The following TFCP2L1 variants were observed in gnomAD, a reference collection of about 807,000 sequenced individuals.
The protein encoded by TFCP2L1 is transcription factor CP2 like 1, also known as transcription factor CP2-like protein 1.
Under a neutral mutation model 72.2 loss-of-function variants are expected in TFCP2L1, and 12 were observed. That is an observed-to-expected ratio of 0.17 (90% CI 0.11 to 0.27). TFCP2L1 has a LOEUF of 0.27. Among genes scored for constraint, TFCP2L1 ranks in the 10% least tolerant of loss-of-function variants. The pLI is 1.00. For missense variants in TFCP2L1, 488 were observed against 624.6 expected, an observed-to-expected ratio of 0.78 and a Z score of 2.33; for synonymous variants, 260 against 251.0, an observed-to-expected ratio of 1.04 and a Z score of -0.34.
At chr2:121,257,329 G>A (rs1248634463) in intron 2 of TFCP2L1, among the ~76,000 whole-genome samples, 2 of 151,948 alleles carry the variant, frequency 1.3e-5, no homozygotes, top group African/African-American at 2.4e-5. Context: ...CCTCCCGGGG[G>A]AGGGGTGGGG....
chr2:121,277,792 A>C (rs1261773143), intron 2 of TFCP2L1, among the ~76,000 whole-genome samples: 4 of 152,224 alleles, frequency 2.6e-5, no homozygotes, highest in Non-Finnish European at 5.9e-5. Context: ...ATATGTCTGT[A>C]ACATAATCAC....
chr2:121,253,442 T>G (rs944677773), intron 2 of TFCP2L1, among the ~76,000 whole-genome samples: 1 of 152,210 alleles, frequency 6.6e-6, no homozygotes, highest in African/African-American at 2.4e-5. Flanking sequence ...CAACACTCCC[T>G]TGATATCAAC....
intron 13 of TFCP2L1, among the ~76,000 whole-genome samples, chr2:121,227,144 T>G (rs2104658129): frequency 6.6e-6 from 1 of 152,244 alleles, no homozygotes; most frequent in East Asian, 1.9e-4. Flanking sequence ...TCATGGAAAG[T>G]TTTTAAATAG....
intron 2 of TFCP2L1, among the ~76,000 whole-genome samples, chr2:121,260,801 A>G (rs1367987822): frequency 6.6e-6 from 1 of 152,202 alleles, no homozygotes; most frequent in Non-Finnish European, 1.5e-5. Context: ...GCTGTGCCCC[A>G]GTGAGCAGAA....
chr2:121,221,497 T>G lies in TFCP2L1; in HGVS notation c.*2844A>C, dbSNP rs1299872276. The G allele has an allele frequency of 6.6e-6, 1 of 151,868 alleles. No homozygotes were observed. The highest frequency in any genetic ancestry group is 1.5e-5 in the Non-Finnish European group (1 of 68,006). 9.4% of individuals were successfully genotyped at this position (151,868 alleles called of 1,614,324 possible). ...CCTTTAGCAAGGATGCCAAGACAAT[T>G]CCGTGGAGAAAGGATATTTTTCTCA... On this transcript the variant is annotated 3_prime_UTR_variant, in exon 15 of 15. Transcript: ENST00000263707.
At chr2:121,281,010 C>CT in intron 2 of TFCP2L1, 110 bp downstream of exon 2, 1 of 1,446,260 alleles carries the variant, frequency 6.9e-7, no homozygotes, top group Non-Finnish European at 9.4e-7. Flanking sequence ...CGAGCCCGAC[C>CT]TCGCCCGACC....
intron 6 of TFCP2L1, 57 bp downstream of exon 6, chr2:121,246,761 T>C (rs1686495809): frequency 6.2e-7 from 1 of 1,605,188 alleles, no homozygotes; most frequent in Non-Finnish European, 8.5e-7. Flanking sequence ...TGTGGGCGAA[T>C]GTGACCACAG....
At chr2:121,244,823 G>T (rs1024322292) in intron 6 of TFCP2L1, among the ~76,000 whole-genome samples, 1 of 152,182 alleles carries the variant, frequency 6.6e-6, no homozygotes. Context: ...CTGTACATGA[G>T]GGGAGGTGGT....
Position 121,221,391 on chromosome 2 carries a change from C to T in TFCP2L1, c.*2950G>A, listed in dbSNP as rs1217319317. 8.6e-6 allele frequency: 1 copy of T among 116,452 alleles called. No homozygotes were observed. The allele number at this position is 116,452 out of a possible 1,614,324, so 7.2% of individuals were successfully genotyped here. A position where few individuals can be genotyped will look rare whatever the true frequency, so the allele number is the denominator to read the frequency against. The stretch of plus-strand genomic sequence containing the variant: ...AGCATAAAACTGGTGGAACCAAACA[C>T]AGACTAAGTAAAAAAAAAAAAAAGG... On this transcript the variant is annotated 3_prime_UTR_variant, in exon 15 of 15. Coordinates refer to ENST00000263707, the MANE Select transcript of TFCP2L1 (RefSeq NM_014553.3).
intron 2 of TFCP2L1, among the ~76,000 whole-genome samples, chr2:121,254,267 A>G (rs1686669498): frequency 6.6e-6 from 1 of 152,190 alleles, no homozygotes. Flanking sequence ...TCTTGCCCTC[A>G]AAGGGTTGAC....
At chr2:121,283,299 G>C (rs1413705261) in intron 1 of TFCP2L1, among the ~76,000 whole-genome samples, 1 of 152,148 alleles carries the variant, frequency 6.6e-6, no homozygotes, top group African/African-American at 2.4e-5. Context: ...TGCCAAGTGA[G>C]GAGACGACCA....
intron 2 of TFCP2L1, among the ~76,000 whole-genome samples, chr2:121,253,732 C>A (rs1024550340): frequency 6.6e-6 from 1 of 152,206 alleles, no homozygotes; most frequent in Non-Finnish European, 1.5e-5. Flanking sequence ...TTGAGTGAGG[C>A]GTTAGGCCCA....
chr2:121,250,887 G>A lies in TFCP2L1; in HGVS notation c.215-1240C>T, dbSNP rs548891393. Among the ~76,000 whole-genome samples, 13 of 151,754 alleles carry A rather than the reference G, an allele frequency of 8.6e-5. No homozygotes were observed. The South Asian group carries it at 2.7e-3, about 32-fold the overall frequency. ...CCCAAAGTGCTGGGATTACAGGCGTGAGCCACCATGCCTGGCCAGTATTGG... is the reference window on the plus strand; with the variant it reads ...CCCAAAGTGCTGGGATTACAGGCGTAAGCCACCATGCCTGGCCAGTATTGG... On this transcript the variant is annotated intron_variant, in intron 2 of 14. Transcript: ENST00000263707.
At chr2:121,260,264 G>C (rs1249166995) in intron 2 of TFCP2L1, among the ~76,000 whole-genome samples, 1 of 151,526 alleles carries the variant, frequency 6.6e-6, no homozygotes, top group African/African-American at 2.4e-5. Flanking sequence ...AGGGGAAAGG[G>C]AGCTGGGGTC....
chr2:121,266,175 C>G (rs959858089), intron 2 of TFCP2L1, among the ~76,000 whole-genome samples: 2 of 150,794 alleles, frequency 1.3e-5, no homozygotes, highest in Non-Finnish European at 2.9e-5. Flanking sequence ...TTTTTTTCCC[C>G]CAAGTAGTAA....
In TFCP2L1 at chr2:121,231,796, T is replaced by C. The variant is rs1473741109; in HGVS notation, c.1341+30A>G. The C allele has an allele frequency of 1.9e-6, 3 of 1,609,114 alleles. No homozygotes were observed. The South Asian group carries it at 3.3e-5, about 18-fold the overall frequency. ...ACTCCTCCCGTGGCCCAGAGCCCGT[T>C]GTCGGGGCAGGCCAGGCAGCAGCCC... On this transcript the variant is annotated intron_variant, in intron 13 of 14. Coordinates refer to ENST00000263707, the MANE Select transcript of TFCP2L1 (RefSeq NM_014553.3).
At chr2:121,277,437 C>T (rs1687169997) in intron 2 of TFCP2L1, among the ~76,000 whole-genome samples, 1 of 152,196 alleles carries the variant, frequency 6.6e-6, no homozygotes, top group Non-Finnish European at 1.5e-5. Flanking sequence ...ATGTATACTG[C>T]TGGCTGGCAC....
At chr2:121,244,259 C>T (rs1686436360) in intron 6 of TFCP2L1, among the ~76,000 whole-genome samples, 1 of 152,226 alleles carries the variant, frequency 6.6e-6, no homozygotes, top group African/African-American at 2.4e-5. Flanking sequence ...GGAGCCCTGC[C>T]TTTCCCTTCA....
intron 2 of TFCP2L1, among the ~76,000 whole-genome samples, chr2:121,275,501 C>T (rs1465152900): frequency 1.4e-5 from 2 of 144,192 alleles, no homozygotes; most frequent in African/African-American, 5.2e-5. Flanking sequence ...TTAATAAAAG[C>T]AAGAAACAAC....
Sources: gnomAD v4.1 joint callset for allele counts (sites outside exome capture counted in the v4.1 genomes callset) on GRCh38, gnomAD v4.1.1 for gene constraint, MANE v1.5 for transcripts, NCBI Gene and HGNC (gene_info 2026-07-23, HGNC 2026-07-21) for gene names.